Variants in NIPAL2 observed in about 807,000 individuals in gnomAD.
NIPAL2 encodes NIPA-like protein 2.
A neutral mutation model predicts 48.9 loss-of-function variants in NIPAL2; 43 were observed. The observed-to-expected ratio is 0.88, with a 90% confidence interval of 0.69 to 1.13. The LOEUF (loss-of-function observed/expected upper bound fraction) is 1.13, where lower values mean the gene tolerates loss of function less well. Among genes scored for constraint, NIPAL2 ranks in the 50% most tolerant of loss-of-function variants. The pLI is 0.00. For synonymous variants in NIPAL2, 167 were observed against 174.6 expected (o/e 0.96, Z 0.34); for missense variants, 446 against 461.4 (o/e 0.97, Z 0.31).
At chr8:98,207,494 T>C (rs1313174289) in intron 6 of NIPAL2, among the ~76,000 whole-genome samples, 1 of 152,172 alleles carries the variant, frequency 6.6e-6, no homozygotes, top group Non-Finnish European at 1.5e-5. Context: ...AAATAGAAGG[T>C]ACTTAGGTAA....
rs536890873 is a variant in NIPAL2 at position 98,283,430 on chromosome 8, C to T, written c.135+10573G>A. On this transcript the variant is annotated intron_variant, in intron 1 of 10. Coordinates refer to ENST00000430223, the MANE Select transcript of NIPAL2 (RefSeq NM_001321635.2). ...TAAACTTGGTTCTATTACAAAACAG[C>T]TTAATCCTGTATAATATTGGGGAGG... 2.7e-3 allele frequency among the ~76,000 whole-genome samples: 411 copies of T among 152,266 alleles called. 2 individuals carry two copies. The highest frequency in any genetic ancestry group is 4.2e-3 in the Non-Finnish European group (283 of 68,036).
Position 98,207,981 on chromosome 8 carries a change from G to A in NIPAL2, c.656-2735C>T, listed in dbSNP as rs532993943. ...GGGGCTGTGATGAATATTCTTGAAC[G>A]TAAGTCTTTGTTTATCACTCTGCCT... On this transcript the variant is annotated intron_variant, in intron 6 of 10. Coordinates refer to ENST00000430223, the MANE Select transcript of NIPAL2 (RefSeq NM_001321635.2). Among the ~76,000 whole-genome samples, 58 of 151,816 alleles carry A rather than the reference G, an allele frequency of 3.8e-4. 1 individual carries two copies. In the South Asian group the frequency reaches 0.011, roughly 30 times the overall value.
At chr8:98,212,306 C>A (rs1542289) in intron 6 of NIPAL2, 99 bp downstream of exon 6, 230,522 of 600,626 alleles carry the variant, frequency 0.38, 45,315 homozygotes, top group South Asian at 0.5. Flanking sequence ...AAATATAAAC[C>A]ATGAGAAAGG....
intron 1 of NIPAL2, among the ~76,000 whole-genome samples, chr8:98,266,008 C>A (rs1586442941): frequency 6.6e-6 from 1 of 151,184 alleles, no homozygotes; most frequent in East Asian, 2.0e-4. Flanking sequence ...TGGAAAACAT[C>A]ATTCTCAGTA....
chr8:98,222,333 C>G (rs1422822883), intron 5 of NIPAL2, 146 bp downstream of exon 5: 1 of 777,172 alleles, frequency 1.3e-6, no homozygotes, highest in African/African-American at 1.8e-5. Flanking sequence ...CTTAGTATTT[C>G]AAATACTTTG....
At chr8:98,211,626 G>C (rs1811318145) in intron 6 of NIPAL2, among the ~76,000 whole-genome samples, 1 of 152,098 alleles carries the variant, frequency 6.6e-6, no homozygotes, top group East Asian at 1.9e-4. Flanking sequence ...GACTGGCTAA[G>C]AGGAAATGAA....
chr8:98,197,760 G>T (rs1810614228), intron 8 of NIPAL2, among the ~76,000 whole-genome samples: 2 of 152,278 alleles, frequency 1.3e-5, no homozygotes, highest in Middle Eastern at 3.4e-3. Context: ...ATCCATTAAA[G>T]TTTGATTATG....
At chr8:98,238,821 C>T (rs1417372204) in intron 3 of NIPAL2, among the ~76,000 whole-genome samples, 2 of 151,974 alleles carry the variant, frequency 1.3e-5, no homozygotes, top group African/African-American at 4.8e-5. Flanking sequence ...CTACATGGCT[C>T]ATTAAAGTAA....
intron 4 of NIPAL2, among the ~76,000 whole-genome samples, chr8:98,235,114 G>C (rs1812640386): frequency 6.6e-6 from 1 of 152,092 alleles, no homozygotes; most frequent in Admixed American, 6.5e-5. Flanking sequence ...GAAAACAAAT[G>C]CTCAACATAC....
chr8:98,260,814 C>A (rs1193761512), intron 1 of NIPAL2, among the ~76,000 whole-genome samples: 1 of 152,242 alleles, frequency 6.6e-6, no homozygotes, highest in African/African-American at 2.4e-5. Flanking sequence ...GTAGGCTCCA[C>A]CTCTGGGGGC....
At chr8:98,256,068 T>G (rs1259488417) in intron 1 of NIPAL2, among the ~76,000 whole-genome samples, 3 of 151,866 alleles carry the variant, frequency 2.0e-5, no homozygotes, top group African/African-American at 4.8e-5. Flanking sequence ...CAGGCCAGAG[T>G]GCAGTGGCAT....
At chr8:98,285,404 G>A (rs946417562) in intron 1 of NIPAL2, among the ~76,000 whole-genome samples, 8 of 152,170 alleles carry the variant, frequency 5.3e-5, no homozygotes, top group East Asian at 3.9e-4. Context: ...CAGCCTTGGC[G>A]ACTGGTATGA....
intron 3 of NIPAL2, among the ~76,000 whole-genome samples, chr8:98,238,064 T>C (rs1230514054): frequency 1.3e-5 from 2 of 152,216 alleles, no homozygotes; most frequent in Non-Finnish European, 2.9e-5. Context: ...GTGACACTAC[T>C]GGACTCTCTC....
intron 8 of NIPAL2, among the ~76,000 whole-genome samples, chr8:98,196,977 A>C (rs1017307029): frequency 7.9e-5 from 12 of 152,322 alleles, no homozygotes; most frequent in Admixed American, 3.9e-4. Flanking sequence ...AGGTTATTAC[A>C]TACTTCCTTA....
intron 1 of NIPAL2, among the ~76,000 whole-genome samples, chr8:98,277,536 C>CAA (rs1010446703): frequency 4.0e-5 from 6 of 149,610 alleles, no homozygotes; most frequent in African/African-American, 1.2e-4. Context: ...GAATCTGTCT[C>CAA]AAAAAAAAAC....
chr8:98,245,293 C>T (rs1049503311), intron 3 of NIPAL2, among the ~76,000 whole-genome samples: 4 of 152,152 alleles, frequency 2.6e-5, no homozygotes, highest in Non-Finnish European at 5.9e-5. Context: ...ATTATCATTC[C>T]CCGTTAGTTG....
At chr8:98,194,852 A>T in intron 9 of NIPAL2, 30 bp from the exon 10 acceptor site, 1 of 1,309,554 alleles carries the variant, frequency 7.6e-7, no homozygotes, top group Non-Finnish European at 1.0e-6. Context: ...AAAGAATACA[A>T]GAACACTGAA....
In NIPAL2 at chr8:98,254,086, AT is replaced by A; in HGVS notation, c.136del (p.Ile46PhefsTer11). 6.2e-7 allele frequency: 1 copy of A among 1,609,298 alleles called. No individual in the cohort carries two copies. Among genetic ancestry groups the A allele is most frequent in the East Asian group, 2.2e-5 (1 of 44,752 alleles). ...LSGDWYRRNQ[I>X]HLFGVLLAIL... ...AGCCAGCAAAACTCCAAAAAGGTGA[AT>A]CTGTAAAAGAAAATGTTTTCCTTAA... On this transcript the variant is annotated frameshift_variant and splice_region_variant, in exon 2 of 11. Coordinates refer to ENST00000430223, the MANE Select transcript of NIPAL2 (RefSeq NM_001321635.2). LOFTEE classifies it high-confidence loss of function.
intron 3 of NIPAL2, among the ~76,000 whole-genome samples, chr8:98,248,841 A>G (rs1434253673): frequency 3.3e-5 from 5 of 152,188 alleles, no homozygotes; most frequent in African/African-American, 1.2e-4. Context: ...AAATAAAGTA[A>G]AATTAAAAGA....
Sources: allele counts gnomAD v4.1 joint callset (sites outside exome capture counted in the v4.1 genomes callset), GRCh38; gene constraint gnomAD v4.1.1; transcripts MANE v1.5; gene names NCBI Gene and HGNC (gene_info 2026-07-23, HGNC 2026-07-21).